JAZF1: variants seen among roughly 807,000 people sequenced by gnomAD.
JAZF1 encodes the protein juxtaposed with another zinc finger protein 1.
In JAZF1, 8 loss-of-function variants were observed where a neutral mutation model predicts 26.4. The ratio of observed to expected loss-of-function variants is 0.30; its 90% CI spans 0.18 to 0.55. The LOEUF (loss-of-function observed/expected upper bound fraction) is 0.55, where lower values mean the gene tolerates loss of function less well. Among genes scored for constraint, JAZF1 ranks in the 20% least tolerant of loss-of-function variants. The probability of loss-of-function intolerance (pLI) is 0.94; values close to 1 mark genes in which losing one functional copy is unlikely to be tolerated. For missense variants in JAZF1, 199 were observed against 322.0 expected (o/e 0.62, Z 2.92); for synonymous variants, 126 against 122.3 (o/e 1.03, Z -0.20).
At chr7:27,989,294 T>C (rs1036346784) in intron 2 of JAZF1, among the ~76,000 whole-genome samples, 14 of 152,154 alleles carry the variant, frequency 9.2e-5, no homozygotes, top group South Asian at 2.1e-4. Context: ...TAATTCAAGA[T>C]GGATTAAAGA....
intron 1 of JAZF1, among the ~76,000 whole-genome samples, chr7:28,062,276 ATTAG>A (rs564317597): frequency 2.2e-3 from 342 of 152,184 alleles, no homozygotes; most frequent in African/African-American, 7.8e-3. Flanking sequence ...TGAGCTCAAT[ATTAG>A]TTAGTTAGAG....
intron 1 of JAZF1, among the ~76,000 whole-genome samples, chr7:28,007,192 T>C (rs969382653): frequency 6.6e-6 from 1 of 152,192 alleles, no homozygotes; most frequent in Non-Finnish European, 1.5e-5. Flanking sequence ...TAGAATTATT[T>C]CTGGACCCAA....
intron 2 of JAZF1, among the ~76,000 whole-genome samples, chr7:27,985,759 T>A (rs1244468895): frequency 6.6e-6 from 1 of 152,142 alleles, no homozygotes; most frequent in Non-Finnish European, 1.5e-5. Flanking sequence ...TCCACCACCA[T>A]CAAGTTGGCT....
rs1485421829 is a variant in JAZF1 at position 28,023,932 on chromosome 7, T to C, written c.116-31951A>G. On this transcript the variant is annotated intron_variant, in intron 1 of 4. Coordinates refer to ENST00000283928, the MANE Select transcript of JAZF1 (RefSeq NM_175061.4). ...ACACTTGGAAAATTAGGAAAGCTTCTTAGAATAGATAACATTTAAGTTTAA... is the reference window on the plus strand; with the variant it reads ...ACACTTGGAAAATTAGGAAAGCTTCCTAGAATAGATAACATTTAAGTTTAA... Among the ~76,000 whole-genome samples the C allele has an allele frequency of 2.0e-5, 3 of 152,088 alleles. No homozygotes were observed. In the East Asian group the frequency reaches 5.8e-4, roughly 29 times the overall value.
At position 28,166,186 on chromosome 7, in the gene JAZF1, C is replaced by T. The variant is rs568323205; in HGVS notation, c.115+14277G>A. Among the ~76,000 whole-genome samples, 16 of 152,186 alleles carry T rather than the reference C, an allele frequency of 1.1e-4. No individual in the cohort carries two copies. The South Asian group carries it at 3.3e-3, about 32-fold the overall frequency. ...ACTGCTGAGTCAAATAAGCCTGGACCAGCTGCTTAACTGTATCAGGGCAAT... is the reference window on the plus strand; with the variant it reads ...ACTGCTGAGTCAAATAAGCCTGGACTAGCTGCTTAACTGTATCAGGGCAAT... On this transcript the variant is annotated intron_variant, in intron 1 of 4. Transcript: ENST00000283928.
At chr7:28,163,757 G>A (rs1432331090) in intron 1 of JAZF1, among the ~76,000 whole-genome samples, 1 of 152,152 alleles carries the variant, frequency 6.6e-6, no homozygotes. Flanking sequence ...CTGGGATGTC[G>A]TAGGGACAGC....
chr7:28,176,431 C>T (rs1174405669), intron 1 of JAZF1, among the ~76,000 whole-genome samples: 3 of 152,196 alleles, frequency 2.0e-5, no homozygotes, highest in African/African-American at 7.2e-5. Flanking sequence ...GAGGTTTTGT[C>T]TCCCATATCA....
intron 2 of JAZF1, among the ~76,000 whole-genome samples, chr7:27,910,529 T>C (rs1309172262): frequency 6.6e-6 from 1 of 152,320 alleles, no homozygotes; most frequent in South Asian, 2.1e-4. Flanking sequence ...CTCCCAGGAA[T>C]GCATGCGTCC....
chr7:28,172,745 T>C (rs1266492486), intron 1 of JAZF1, among the ~76,000 whole-genome samples: 1 of 152,126 alleles, frequency 6.6e-6, no homozygotes, highest in Non-Finnish European at 1.5e-5. Context: ...GACCCTCCCC[T>C]TTGTGTAAGG....
intron 1 of JAZF1, among the ~76,000 whole-genome samples, chr7:28,048,816 C>T (rs1264875696): frequency 6.6e-6 from 1 of 152,142 alleles, no homozygotes; most frequent in Non-Finnish European, 1.5e-5. Context: ...TGGAATATTA[C>T]TGAGCCATAA....
intron 1 of JAZF1, among the ~76,000 whole-genome samples, chr7:28,078,305 A>C (rs1562579755): frequency 2.0e-5 from 3 of 152,222 alleles, no homozygotes; most frequent in Non-Finnish European, 4.4e-5. Flanking sequence ...TTCTAGCATT[A>C]GTTTCTCCAT....
At chr7:27,864,070 G>A (rs948622678) in intron 3 of JAZF1, 2 of 152,240 alleles carry the variant, frequency 1.3e-5, no homozygotes, top group African/African-American at 2.4e-5. Context: ...CAGGAGCGCA[G>A]GGCCCTGACT....
intron 2 of JAZF1, among the ~76,000 whole-genome samples, chr7:27,930,241 C>T (rs900204009): frequency 1.8e-4 from 27 of 152,260 alleles, no homozygotes; most frequent in Admixed American, 1.3e-3. Flanking sequence ...ATGATCCGCC[C>T]GCCTTGGCCT....
chr7:28,028,424 G>A (rs959257125), intron 1 of JAZF1, among the ~76,000 whole-genome samples: 1 of 152,194 alleles, frequency 6.6e-6, no homozygotes, highest in East Asian at 1.9e-4. Context: ...ATTCTTAAGG[G>A]TCATGTAGCA....
intron 2 of JAZF1, among the ~76,000 whole-genome samples, chr7:27,960,822 G>T (rs993503914): frequency 6.6e-6 from 1 of 152,156 alleles, no homozygotes; most frequent in Non-Finnish European, 1.5e-5. Context: ...AGGAAGGTAC[G>T]CAGACAAGGA....
In JAZF1 at chr7:27,840,915, C is replaced by G; in HGVS notation, c.386-48G>C. ...GGACTGTCAGGAGCGCTCATCTCCC[C>G]ACAGGTTCACCCGGCCACTTCCAGG... On this transcript the variant is annotated intron_variant, in intron 3 of 4. Transcript: ENST00000283928. The surrounding 1 kb of genome is among the most constrained non-coding windows in gnomAD (Gnocchi z 5.1). The G allele has an allele frequency of 6.3e-7, 1 of 1,594,118 alleles. No homozygotes were observed.
intron 1 of JAZF1, among the ~76,000 whole-genome samples, chr7:28,139,704 A>G (rs1331956016): frequency 6.6e-6 from 1 of 152,190 alleles, no homozygotes; most frequent in Non-Finnish European, 1.5e-5. Flanking sequence ...CAGTTATTGT[A>G]GTCCCAGGAA....
intron 1 of JAZF1, among the ~76,000 whole-genome samples, chr7:28,045,534 A>T (rs1783481228): frequency 6.6e-6 from 1 of 152,152 alleles, no homozygotes; most frequent in East Asian, 1.9e-4. Context: ...AGAATTGTTA[A>T]AAGTGCAATG....
At chr7:28,170,154 G>T (rs954729282) in intron 1 of JAZF1, among the ~76,000 whole-genome samples, 2 of 152,094 alleles carry the variant, frequency 1.3e-5, no homozygotes, top group African/African-American at 4.8e-5. Flanking sequence ...CTGAGTACTG[G>T]GCCGTGTGCA....
Sources: gnomAD v4.1 joint callset for allele counts (sites outside exome capture counted in the v4.1 genomes callset) on GRCh38, gnomAD v4.1.1 for gene constraint, Gnocchi (gnomAD v3.1) non-coding constraint, MANE v1.5 for transcripts, NCBI Gene and HGNC (gene_info 2026-07-23, HGNC 2026-07-21) for gene names.